Variants in LGSN observed in about 807,000 individuals in gnomAD.
LGSN encodes the protein lengsin.
Under a neutral mutation model 19.5 loss-of-function variants are expected in LGSN, and 21 were observed. That is an observed-to-expected ratio of 1.07 (90% confidence interval 0.76 to 1.55). The LOEUF (loss-of-function observed/expected upper bound fraction) is 1.55, where lower values mean the gene tolerates loss of function less well. LGSN is among the 40% of genes most tolerant of loss of function. The pLI, the probability that LGSN is intolerant of heterozygous loss-of-function variation, is 0.00. For synonymous variants in LGSN, 257 were observed against 215.6 expected (o/e 1.19, Z -1.68); for missense variants, 673 against 608.5 (o/e 1.11, Z -1.12).
chr6:63,567,478 C>T, the LGSN span, among the ~76,000 whole-genome samples: 2 of 152,154 alleles, frequency 1.3e-5, no homozygotes, highest in East Asian at 3.8e-4. Flanking sequence ...AAATAAATCA[C>T]GTTTTATCAG....
chr6:63,506,449 G>A, the LGSN span, among the ~76,000 whole-genome samples: 7 of 152,102 alleles, frequency 4.6e-5, no homozygotes, highest in Admixed American at 4.6e-4. Context: ...GTTTTTAGCA[G>A]AGACGAGGTT....
At position 63,291,243 on chromosome 6, in the gene LGSN, G is replaced by A. The variant is rs115405821; in HGVS notation, c.163+3670C>T. Among the ~76,000 whole-genome samples the A allele has an allele frequency of 7.4e-3, 1,133 of 152,258 alleles. 6 individuals carry two copies. The highest frequency in any genetic ancestry group is 0.01 in the Non-Finnish European group (713 of 68,010). ...ATGCTCTTTTAGTTTTGCCATCCAC[G>A]GACGGCTGTTAACCAGCTCAGTGGA... On this transcript the variant is annotated intron_variant, in intron 2 of 3. Coordinates refer to ENST00000370657, the MANE Select transcript of LGSN (RefSeq NM_016571.3).
At chr6:63,468,906 G>C in the LGSN span, among the ~76,000 whole-genome samples, 2 of 152,022 alleles carry the variant, frequency 1.3e-5, no homozygotes, top group East Asian at 3.9e-4. Context: ...GCTTCACAAT[G>C]CCTGGCTAAT....
At chr6:63,485,956 C>T in the LGSN span, among the ~76,000 whole-genome samples, 1 of 152,106 alleles carries the variant, frequency 6.6e-6, no homozygotes, top group African/African-American at 2.4e-5. Context: ...TCTGAAACTC[C>T]TGACCTCAGG....
the LGSN span, among the ~76,000 whole-genome samples, chr6:63,458,253 G>T: frequency 2.6e-5 from 4 of 152,044 alleles, no homozygotes; most frequent in Admixed American, 6.6e-5. Flanking sequence ...TTTTAGTATA[G>T]ACGGGGTCTC....
chr6:63,549,208 T>C, the LGSN span: 136 of 712,068 alleles, frequency 1.9e-4, 1 homozygote, highest in Non-Finnish European at 2.8e-5. Context: ...GATCTGTACT[T>C]GTGGGCCAGC....
At chr6:63,502,532 A>T in the LGSN span, among the ~76,000 whole-genome samples, 1 of 152,172 alleles carries the variant, frequency 6.6e-6, no homozygotes, top group Non-Finnish European at 1.5e-5. Context: ...AGTTAATATA[A>T]TATATTAAGT....
At chr6:63,286,502 C>T (rs1285516329) in intron 2 of LGSN, among the ~76,000 whole-genome samples, 2 of 152,188 alleles carry the variant, frequency 1.3e-5, no homozygotes, top group Non-Finnish European at 2.9e-5. Context: ...ATCATCTAAT[C>T]TAACCAACTC....
At chr6:63,364,248 C>A in the LGSN span, among the ~76,000 whole-genome samples, 1 of 147,532 alleles carries the variant, frequency 6.8e-6, no homozygotes, top group Non-Finnish European at 1.5e-5. Flanking sequence ...ACCAAGCAAA[C>A]GGAAAACAAA....
At chr6:63,528,462 T>C in the LGSN span, among the ~76,000 whole-genome samples, 1 of 151,838 alleles carries the variant, frequency 6.6e-6, no homozygotes, top group African/African-American at 2.4e-5. Context: ...CAGTGGTTCA[T>C]GCCTATAATC....
At chr6:63,379,092 T>G in the LGSN span, among the ~76,000 whole-genome samples, 1 of 152,100 alleles carries the variant, frequency 6.6e-6, no homozygotes, top group Non-Finnish European at 1.5e-5. Flanking sequence ...AAATATGAGA[T>G]AGTTAAAATC....
chr6:63,529,129 ATG>A, the LGSN span, among the ~76,000 whole-genome samples: 140 of 136,196 alleles, frequency 1.0e-3, 3 homozygotes, highest in Middle Eastern at 3.6e-3. Context: ...ATGTATATAT[ATG>A]TGTGTGTATA....
At chr6:63,350,516 C>G in the LGSN span, among the ~76,000 whole-genome samples, 1 of 152,156 alleles carries the variant, frequency 6.6e-6, no homozygotes, top group Admixed American at 6.6e-5. Context: ...AAACAGCATA[C>G]TGAAAATAGT....
At chr6:63,407,035 C>T in the LGSN span, among the ~76,000 whole-genome samples, 39 of 152,118 alleles carry the variant, frequency 2.6e-4, no homozygotes, top group African/African-American at 9.2e-4. Context: ...AGGCAATAAT[C>T]AATAGCTTAC....
chr6:63,359,292 C>T, the LGSN span, among the ~76,000 whole-genome samples: 3 of 152,134 alleles, frequency 2.0e-5, no homozygotes, highest in African/African-American at 7.2e-5. Flanking sequence ...GTCTAAAATT[C>T]TCTTTTTTTG....
chr6:63,422,685 A>G, the LGSN span, among the ~76,000 whole-genome samples: 1 of 152,164 alleles, frequency 6.6e-6, no homozygotes, highest in Non-Finnish European at 1.5e-5. Context: ...TACTATATAT[A>G]CAGAAAAGTA....
intron 1 of LGSN, among the ~76,000 whole-genome samples, chr6:63,300,238 G>A (rs1356671181): frequency 6.6e-6 from 1 of 152,144 alleles, no homozygotes; most frequent in Non-Finnish European, 1.5e-5. Flanking sequence ...CTCTACACCT[G>A]GTGTGTAAAT....
intron 3 of LGSN, among the ~76,000 whole-genome samples, chr6:63,283,214 A>G (rs1278384301): frequency 6.6e-6 from 1 of 152,116 alleles, no homozygotes; most frequent in Non-Finnish European, 1.5e-5. Context: ...ACTCTCTATT[A>G]GTTACGGGAA....
the LGSN span, among the ~76,000 whole-genome samples, chr6:63,393,398 C>T: frequency 6.6e-6 from 1 of 151,554 alleles, no homozygotes; most frequent in Non-Finnish European, 1.5e-5. Flanking sequence ...AGGCTGGTCT[C>T]GAACTCCTGA....
Sources: gnomAD v4.1 joint callset for allele counts (sites outside exome capture counted in the v4.1 genomes callset) on GRCh38, gnomAD v4.1.1 for gene constraint, MANE v1.5 for transcripts, NCBI Gene and HGNC (gene_info 2026-07-23, HGNC 2026-07-21) for gene names.